ENPP6: variants seen among roughly 807,000 people sequenced by gnomAD.
The protein encoded by ENPP6 is glycerophosphocholine cholinephosphodiesterase ENPP6.
A neutral mutation model predicts 42.0 loss-of-function variants in ENPP6; 32 were observed. That is an observed-to-expected ratio of 0.76 (90% confidence interval 0.58 to 1.02). The LOEUF is 1.02. Ranked by LOEUF, ENPP6 falls within the 50% of genes least tolerant of loss-of-function variation. ENPP6 has a pLI of 0.00. For synonymous variants in ENPP6, 213 were observed against 216.0 expected, an observed-to-expected ratio of 0.99 and a Z score of 0.12; for missense variants, 552 against 566.8, an observed-to-expected ratio of 0.97 and a Z score of 0.27.
chr4:184,166,193 A>C (rs1737345123), intron 1 of ENPP6, among the ~76,000 whole-genome samples: 1 of 152,220 alleles, frequency 6.6e-6, no homozygotes, highest in Admixed American at 6.5e-5. Context: ...CACAATTTGC[A>C]CATCTTTAAA....
chr4:184,146,429 C>CAA (rs751645083), intron 2 of ENPP6, among the ~76,000 whole-genome samples: 1 of 136,016 alleles, frequency 7.4e-6, no homozygotes, highest in Non-Finnish European at 1.6e-5. Flanking sequence ...GACTCCGTTT[C>CAA]AAAAAAAAAA....
At chr4:184,162,845 G>A (rs1737289348) in intron 1 of ENPP6, among the ~76,000 whole-genome samples, 1 of 152,126 alleles carries the variant, frequency 6.6e-6, no homozygotes, top group Non-Finnish European at 1.5e-5. Context: ...TTAATTCAGG[G>A]GTTTTACAAA....
chr4:184,100,261 C>A (rs920740307), intron 6 of ENPP6, among the ~76,000 whole-genome samples: 35 of 152,212 alleles, frequency 2.3e-4, no homozygotes, highest in African/African-American at 8.0e-4. Context: ...CCATGATTTC[C>A]TTCTTTTTCC....
chr4:184,131,198 T>TTTCTTTTTCTTTCTTTCTTTCC (rs1736615046), intron 2 of ENPP6, among the ~76,000 whole-genome samples: 2 of 46,900 alleles, frequency 4.3e-5, no homozygotes, highest in Non-Finnish European at 9.5e-5. Flanking sequence ...TCTTTCTTTC[T>TTTCTTTTTCTTTCTTTCTTTCC]TTCTTCTTTC....
At chr4:184,158,733 G>T (rs988448217) in intron 1 of ENPP6, among the ~76,000 whole-genome samples, 2 of 152,124 alleles carry the variant, frequency 1.3e-5, no homozygotes, top group African/African-American at 4.8e-5. Context: ...TATCCTTTGT[G>T]CTTTCAATGT....
intron 2 of ENPP6, among the ~76,000 whole-genome samples, chr4:184,138,791 G>C (rs981733985): frequency 1.1e-4 from 17 of 152,218 alleles, no homozygotes; most frequent in South Asian, 4.1e-4. Flanking sequence ...GGCCCGAAGT[G>C]ATGTTGACAG....
rs539252893 is a variant in ENPP6 at position 184,115,118 on chromosome 4, C to T, written c.855+1738G>A. ...GAAGGATTGGGCTAAAGAGGTGAGA[C>T]CCTGGCCTCCACCAGTGCTTCATCC... On this transcript the variant is annotated intron_variant, in intron 5 of 7. Transcript: ENST00000296741. Among the ~76,000 whole-genome samples, 11 of 152,160 alleles carry T rather than the reference C, an allele frequency of 7.2e-5. No individual in the cohort carries two copies. The South Asian group carries it at 1.2e-3, about 17-fold the overall frequency.
chr4:184,164,257 C>T (rs2111086741), intron 1 of ENPP6, among the ~76,000 whole-genome samples: 1 of 152,304 alleles, frequency 6.6e-6, no homozygotes, highest in South Asian at 2.1e-4. Context: ...AAAAATGGTC[C>T]ATGCACAAGT....
At chr4:184,208,348 G>A (rs1403978799) in intron 1 of ENPP6, among the ~76,000 whole-genome samples, 1 of 152,198 alleles carries the variant, frequency 6.6e-6, no homozygotes, top group Non-Finnish European at 1.5e-5. Flanking sequence ...TCACTAGGGA[G>A]TGCCAGACAG....
At chr4:184,194,227 A>G (rs2111109939) in intron 1 of ENPP6, among the ~76,000 whole-genome samples, 1 of 152,306 alleles carries the variant, frequency 6.6e-6, no homozygotes, top group South Asian at 2.1e-4. Flanking sequence ...TCGCAGTGTG[A>G]GAATATAAAC....
intron 1 of ENPP6, among the ~76,000 whole-genome samples, chr4:184,182,540 A>G (rs1409331666): frequency 1.3e-5 from 2 of 152,202 alleles, no homozygotes; most frequent in Non-Finnish European, 2.9e-5. Context: ...AAATCATTCT[A>G]TTATAAAGAA....
chr4:184,111,701 G>C (rs1736198412), intron 6 of ENPP6, among the ~76,000 whole-genome samples: 1 of 152,206 alleles, frequency 6.6e-6, no homozygotes, highest in African/African-American at 2.4e-5. Context: ...GCTTCTCTCT[G>C]TCTGAGAGCA....
At chr4:184,165,583 C>T (rs552575762) in intron 1 of ENPP6, among the ~76,000 whole-genome samples, 3 of 152,254 alleles carry the variant, frequency 2.0e-5, no homozygotes, top group South Asian at 4.1e-4. Context: ...GAATGCCAGA[C>T]ATTCTCTTAT....
At chr4:184,150,928 A>G (rs1737012994) in intron 2 of ENPP6, among the ~76,000 whole-genome samples, 1 of 152,230 alleles carries the variant, frequency 6.6e-6, no homozygotes, top group African/African-American at 2.4e-5. Context: ...AGAGGAAGAT[A>G]TTGGTCCCTT....
chr4:184,110,724 G>A (rs1736183627), intron 6 of ENPP6, among the ~76,000 whole-genome samples: 2 of 152,360 alleles, frequency 1.3e-5, no homozygotes, highest in Admixed American at 1.3e-4. Context: ...CTTGGGGCAT[G>A]ATATAATTGA....
rs115082885 is a variant in ENPP6, at chr4:184,117,008, C to A, written c.703G>T (p.Val235Phe). 5 of 1,614,182 alleles carry A rather than the reference C, an allele frequency of 3.1e-6. No homozygotes were observed. Among genetic ancestry groups the A allele is most frequent in the Non-Finnish European group, 4.2e-6 (5 of 1,180,030 alleles). The part of the protein sequence containing the change: ...QERGLQDRLN[V>F]IIFSDHGMTD... The stretch of plus-strand genomic sequence containing the variant: ...ATTCCGTGATCCGAGAAAATAATGA[C>A]GTTCAGGCGGTCCTGCAGGCCCCGC... The change falls in exon 5 of 8, where the codon GTC becomes TTC. Residue 235 changes from valine (V) to phenylalanine (F), a missense_variant. Physicochemically the swap from Val to Phe is conservative, Grantham distance 50. Around this residue, in one of 2 missense-constraint regions of ENPP6, gnomAD observed 545 missense variants for 546.3 expected, o/e 1.00. Coordinates refer to ENST00000296741, the MANE Select transcript of ENPP6 (RefSeq NM_153343.4).
intron 1 of ENPP6, among the ~76,000 whole-genome samples, chr4:184,175,104 GCT>G (rs1323764228): frequency 3.9e-5 from 6 of 152,050 alleles, no homozygotes; most frequent in African/African-American, 1.4e-4. Context: ...ACCTGACCCC[GCT>G]CTCCCTCCTT....
intron 6 of ENPP6, among the ~76,000 whole-genome samples, chr4:184,100,500 G>A (rs552149668): frequency 1.6e-4 from 24 of 152,234 alleles, no homozygotes; most frequent in African/African-American, 5.3e-4. Context: ...CCGGGGAGGC[G>A]CCCCAGCCCT....
At chr4:184,107,122 G>A (rs758339148) in intron 6 of ENPP6, among the ~76,000 whole-genome samples, 2 of 152,180 alleles carry the variant, frequency 1.3e-5, no homozygotes, top group Non-Finnish European at 2.9e-5. Context: ...GAACCACGGT[G>A]GAGCCAACCT....
Sources: allele counts gnomAD v4.1 joint callset (sites outside exome capture counted in the v4.1 genomes callset), GRCh38; gene constraint gnomAD v4.1.1; regional missense constraint gnomAD v4.1.1; transcripts MANE v1.5; gene names NCBI Gene and HGNC (gene_info 2026-07-23, HGNC 2026-07-21).